Variants in ARB2A observed in about 807,000 individuals in gnomAD.
ARB2A encodes the protein ARB2 cotranscriptional regulator A, also known as cotranscriptional regulator ARB2A.
chr5:93,761,007 C>T, the ARB2A span, among the ~76,000 whole-genome samples: 1 of 152,178 alleles, frequency 6.6e-6, no homozygotes, highest in African/African-American at 2.4e-5. Flanking sequence ...ATACATCTGA[C>T]AAAGGACTAA....
At chr5:93,777,464 T>C in the ARB2A span, among the ~76,000 whole-genome samples, 1 of 152,164 alleles carries the variant, frequency 6.6e-6, no homozygotes, top group Non-Finnish European at 1.5e-5. Context: ...CTTTTATACA[T>C]TTTAAGTCTG....
the ARB2A span, among the ~76,000 whole-genome samples, chr5:93,676,739 C>T: frequency 1.3e-5 from 2 of 152,116 alleles, no homozygotes; most frequent in African/African-American, 4.8e-5. Flanking sequence ...AGCTGCTAAA[C>T]AAATATGCCG....
the ARB2A span, among the ~76,000 whole-genome samples, chr5:93,981,056 A>G: frequency 7.1e-6 from 1 of 140,958 alleles, no homozygotes; most frequent in Non-Finnish European, 1.5e-5. Flanking sequence ...TTTTCTGATT[A>G]CTGTATTTCT....
chr5:93,946,730 T>G, the ARB2A span, among the ~76,000 whole-genome samples: 2 of 152,218 alleles, frequency 1.3e-5, no homozygotes, highest in African/African-American at 4.8e-5. Context: ...ATAACACTTA[T>G]TTTGATACTA....
chr5:93,656,565 AC>A, the ARB2A span, among the ~76,000 whole-genome samples: 1 of 152,206 alleles, frequency 6.6e-6, no homozygotes, highest in Non-Finnish European at 1.5e-5. Context: ...GGATTCATGT[AC>A]TATTCACACT....
At chr5:93,635,269 G>A in the ARB2A span, among the ~76,000 whole-genome samples, 2 of 152,074 alleles carry the variant, frequency 1.3e-5, no homozygotes, top group African/African-American at 4.8e-5. Context: ...TTGACATTTT[G>A]CCTTAATATA....
At chr5:93,752,792 A>G in the ARB2A span, among the ~76,000 whole-genome samples, 1 of 152,158 alleles carries the variant, frequency 6.6e-6, no homozygotes, top group Non-Finnish European at 1.5e-5. Flanking sequence ...GATTTCAACT[A>G]TTTATTATGA....
chr5:93,930,037 T>A, the ARB2A span, among the ~76,000 whole-genome samples: 1 of 152,186 alleles, frequency 6.6e-6, no homozygotes, highest in Non-Finnish European at 1.5e-5. Flanking sequence ...TTGGACTTTT[T>A]AATTAGTCTC....
At chr5:93,839,677 C>T in the ARB2A span, among the ~76,000 whole-genome samples, 1 of 151,222 alleles carries the variant, frequency 6.6e-6, no homozygotes, top group East Asian at 1.9e-4. Flanking sequence ...GGTTGATAGG[C>T]TTTTTACTAC....
the ARB2A span, among the ~76,000 whole-genome samples, chr5:93,807,618 C>T: frequency 6.6e-6 from 1 of 151,766 alleles, no homozygotes; most frequent in Non-Finnish European, 1.5e-5. Context: ...ATTGCAAACA[C>T]CAGTAAATTT....
At chr5:93,865,581 A>T in the ARB2A span, 1 of 985,302 alleles carries the variant, frequency 1.0e-6, no homozygotes, top group South Asian at 4.7e-5. Flanking sequence ...AAAAGCAAAA[A>T]GCATACGGAA....
At chr5:93,782,157 G>T in the ARB2A span, among the ~76,000 whole-genome samples, 1 of 151,916 alleles carries the variant, frequency 6.6e-6, no homozygotes, top group Non-Finnish European at 1.5e-5. Context: ...CACTGAATAG[G>T]GGTAATTTCA....
At chr5:93,787,487 A>C in the ARB2A span, among the ~76,000 whole-genome samples, 1 of 152,222 alleles carries the variant, frequency 6.6e-6, no homozygotes, top group African/African-American at 2.4e-5. Context: ...AATACAAATT[A>C]ATTCTCATTT....
the ARB2A span, among the ~76,000 whole-genome samples, chr5:93,926,498 G>A: frequency 0.013 from 1,900 of 151,726 alleles, 44 homozygotes; most frequent in African/African-American, 0.044. Context: ...GCATACTTTA[G>A]TTTTCATTCT....
At chr5:93,692,288 C>T in the ARB2A span, among the ~76,000 whole-genome samples, 14 of 152,204 alleles carry the variant, frequency 9.2e-5, no homozygotes, top group African/African-American at 2.4e-4. Context: ...ACCCATCTCA[C>T]GTGCAAAGTC....
the ARB2A span, chr5:93,958,738 T>C: frequency 7.0e-7 from 1 of 1,427,682 alleles, no homozygotes; most frequent in East Asian, 2.4e-5. Flanking sequence ...AACAGTACTA[T>C]AAAATGCCAA....
the ARB2A span, among the ~76,000 whole-genome samples, chr5:93,851,222 T>C: frequency 2.6e-5 from 4 of 152,302 alleles, no homozygotes; most frequent in South Asian, 8.3e-4. Context: ...AGAATGAATA[T>C]TTAAATAAAA....
chr5:93,766,447 A>G, the ARB2A span, among the ~76,000 whole-genome samples: 1 of 152,220 alleles, frequency 6.6e-6, no homozygotes, highest in Non-Finnish European at 1.5e-5. Context: ...AATGCTCATC[A>G]TCACTGGCCA....
chr5:93,639,773 G>A, the ARB2A span, among the ~76,000 whole-genome samples: 1 of 152,146 alleles, frequency 6.6e-6, no homozygotes, highest in Non-Finnish European at 1.5e-5. Flanking sequence ...TGGGCTGGGT[G>A]TGGTGGCTCA....
Sources: allele counts gnomAD v4.1 joint callset (sites outside exome capture counted in the v4.1 genomes callset), GRCh38; gene constraint gnomAD v4.1.1; transcripts MANE v1.5; gene names NCBI Gene and HGNC (gene_info 2026-07-23, HGNC 2026-07-21).